MLIP: variants seen among roughly 807,000 people sequenced by gnomAD.
The protein encoded by MLIP is muscular LMNA-interacting protein.
A neutral mutation model predicts 84.8 loss-of-function variants in MLIP; 79 were observed. That is an observed-to-expected ratio of 0.93 (90% CI 0.78 to 1.12). MLIP has a LOEUF of 1.12. Ranked by LOEUF, MLIP falls within the 50% of genes most tolerant of loss-of-function variation. The pLI is 0.00. For synonymous variants in MLIP, 504 were observed against 463.0 expected, an observed-to-expected ratio of 1.09 and a Z score of -1.14; for missense variants, 1,257 against 1,160.6, an observed-to-expected ratio of 1.08 and a Z score of -1.21.
At chr6:54,152,439 A>G (rs1056434620) in intron 5 of MLIP, among the ~76,000 whole-genome samples, 2 of 152,186 alleles carry the variant, frequency 1.3e-5, no homozygotes, top group African/African-American at 4.8e-5. Context: ...AGGAGGCCTC[A>G]GAATCAAAGG....
intron 1 of MLIP, among the ~76,000 whole-genome samples, chr6:54,112,003 C>T (rs993150472): frequency 6.6e-6 from 1 of 152,136 alleles, no homozygotes; most frequent in African/African-American, 2.4e-5. Context: ...GAGAAGATGA[C>T]GTTCTTAGAG....
At chr6:54,114,725 G>T (rs1421603150) in intron 1 of MLIP, among the ~76,000 whole-genome samples, 2 of 152,172 alleles carry the variant, frequency 1.3e-5, no homozygotes, top group African/African-American at 4.8e-5. Context: ...AACTCCATGA[G>T]GGTAGGGATT....
At chr6:54,214,086 ACTT>A (rs1242851226) in intron 11 of MLIP, among the ~76,000 whole-genome samples, 1 of 152,180 alleles carries the variant, frequency 6.6e-6, no homozygotes, top group East Asian at 1.9e-4. Context: ...AGCAACTTAT[ACTT>A]ATTTGCTTAG....
chr6:54,254,087 G>T (rs1358166811), intron 12 of MLIP, among the ~76,000 whole-genome samples: 1 of 147,894 alleles, frequency 6.8e-6, no homozygotes, highest in Non-Finnish European at 1.5e-5. Context: ...TCTACTCTCT[G>T]CATAGCAAGC....
chr6:54,019,018 T>G (rs1763352055), exon 1 of MLIP: 3 of 1,603,340 alleles, frequency 1.9e-6, no homozygotes, highest in Non-Finnish European at 1.7e-6. Context: ...TCTTTCTCAT[T>G]CTCTTTCAAT....
In MLIP at chr6:54,217,599, T is replaced by C. The variant is rs775063838; in HGVS notation, c.2719-13115T>C. 518 of 983,752 alleles carry C rather than the reference T, an allele frequency of 5.3e-4. 1 individual carries two copies. The highest frequency in any genetic ancestry group is 6.0e-4 in the Non-Finnish European group (498 of 828,526). The allele number at this position is 983,752 out of a possible 1,614,324, so 60.9% of individuals were successfully genotyped here. ...GTCTTCTTGAAGTTTTGTAGAATGA[T>C]AGTATCATCTCAAAAATAATTAATT... On this transcript the variant is annotated intron_variant, in intron 11 of 13. Transcript: ENST00000502396.
chr6:54,194,778 GA>G (rs370763882), intron 10 of MLIP, among the ~76,000 whole-genome samples: 1 of 151,336 alleles, frequency 6.6e-6, no homozygotes, highest in Non-Finnish European at 1.5e-5. Context: ...TTATTCTGAT[GA>G]AAAAACTGAA....
intron 1 of MLIP, among the ~76,000 whole-genome samples, chr6:54,027,373 AT>A (rs2150274181): frequency 2.6e-5 from 2 of 77,168 alleles, no homozygotes; most frequent in African/African-American, 4.3e-5. Context: ...AATAAAAAAA[AT>A]ACACACACAC....
At chr6:54,022,885 T>C (rs536297539) in intron 1 of MLIP, among the ~76,000 whole-genome samples, 1 of 152,124 alleles carries the variant, frequency 6.6e-6, no homozygotes, top group Non-Finnish European at 1.5e-5. Flanking sequence ...ATAATGATAA[T>C]GGCCGGGCGC....
rs764875651 is a variant in MLIP, at chr6:54,257,291, G to A, written c.2923-17G>A. The A allele has an allele frequency of 1.9e-6, 3 of 1,602,446 alleles. No individual in the cohort carries two copies. Among genetic ancestry groups the A allele is most frequent in the Non-Finnish European group, 2.6e-6 (3 of 1,171,554 alleles). On this transcript the variant is annotated splice_polypyrimidine_tract_variant and intron_variant, in intron 12 of 13. Transcript: ENST00000502396. ...ACTTCTACTCCTGATCATATCCTGG[G>A]CATCTTTTCTGTGAAGCTGAGTCAT...
At chr6:54,253,808 A>T (rs1782803614) in intron 12 of MLIP, among the ~76,000 whole-genome samples, 1 of 152,146 alleles carries the variant, frequency 6.6e-6, no homozygotes, top group Non-Finnish European at 1.5e-5. Flanking sequence ...AAATGTGTTT[A>T]TCCAACAGTG....
chr6:54,050,248 G>T (rs568883807), intron 1 of MLIP, among the ~76,000 whole-genome samples: 1 of 151,952 alleles, frequency 6.6e-6, no homozygotes, highest in South Asian at 2.1e-4. Context: ...TGTAATAAAG[G>T]CTTAAAGCAC....
intron 9 of MLIP, among the ~76,000 whole-genome samples, chr6:54,175,149 A>T (rs1420109596): frequency 6.6e-6 from 1 of 151,816 alleles, no homozygotes; most frequent in Non-Finnish European, 1.5e-5. Context: ...TGGTTACTAT[A>T]GCTCTGTAGC....
intron 1 of MLIP, among the ~76,000 whole-genome samples, chr6:54,025,688 G>C (rs1321054464): frequency 6.6e-6 from 1 of 152,032 alleles, no homozygotes; most frequent in Non-Finnish European, 1.5e-5. Context: ...TTGTCTGAGG[G>C]ACAATTTTGA....
At chr6:54,125,468 A>G (rs1214048257) in intron 3 of MLIP, among the ~76,000 whole-genome samples, 3 of 152,194 alleles carry the variant, frequency 2.0e-5, no homozygotes, top group African/African-American at 7.2e-5. Flanking sequence ...TAGTGGCAAG[A>G]TTGAATGGTT....
At chr6:54,032,309 T>A (rs1764186100) in intron 1 of MLIP, 2 of 152,194 alleles carry the variant, frequency 1.3e-5, no homozygotes, top group Admixed American at 6.5e-5. Flanking sequence ...ACTTATGAAA[T>A]CAATAAAAAT....
intron 1 of MLIP, among the ~76,000 whole-genome samples, chr6:54,048,919 C>T (rs950827070): frequency 6.6e-6 from 1 of 152,162 alleles, no homozygotes; most frequent in Non-Finnish European, 1.5e-5. Flanking sequence ...GGACTCAGTA[C>T]TCAAGGCTGG....
intron 1 of MLIP, among the ~76,000 whole-genome samples, chr6:54,057,242 C>T (rs974991191): frequency 6.6e-6 from 1 of 152,164 alleles, no homozygotes; most frequent in Admixed American, 6.6e-5. Flanking sequence ...CATAACAATT[C>T]CATATGGCTG....
upstream of MLIP, among the ~76,000 whole-genome samples, chr6:54,110,911 A>G (rs1294288769): frequency 2.6e-5 from 4 of 152,258 alleles, no homozygotes; most frequent in Admixed American, 6.5e-5. Flanking sequence ...TTAATAACAT[A>G]ACTTCAGTCA....
Sources: gnomAD v4.1 joint callset for allele counts (sites outside exome capture counted in the v4.1 genomes callset) on GRCh38, gnomAD v4.1.1 for gene constraint, MANE v1.5 for transcripts, NCBI Gene and HGNC (gene_info 2026-07-23, HGNC 2026-07-21) for gene names.